Variants in CACNG7 observed in about 807,000 individuals in gnomAD.
The protein encoded by CACNG7 is voltage-dependent calcium channel gamma-7 subunit.
CACNG7 carries 9 observed loss-of-function variants against 26.3 expected under a neutral mutation model. The observed-to-expected ratio is 0.34, with a 90% CI of 0.21 to 0.60. CACNG7 has a LOEUF of 0.60. CACNG7 is among the 20% of genes least tolerant of loss of function. The probability of loss-of-function intolerance (pLI) is 0.81; values close to 1 mark genes in which losing one functional copy is unlikely to be tolerated. For synonymous variants in CACNG7, 170 were observed against 157.0 expected (o/e 1.08, Z -0.62); for missense variants, 297 against 380.4 (o/e 0.78, Z 1.82).
rs543064099 is a variant in CACNG7, at chr19:53,910,625, T to A, written c.-30+1108T>A. Among the ~76,000 whole-genome samples the A allele has an allele frequency of 4.6e-3, 702 of 152,114 alleles. 4 individuals carry two copies. The highest frequency in any genetic ancestry group is 9.4e-3 in the Admixed American group (143 of 15,270). ...TTGATAAAGGCTAAGGGTCCCAAGT[T>A]GAGACCCCCAAATCACGGGATTGCG... On this transcript the variant is annotated intron_variant, in intron 1 of 5. Coordinates refer to ENST00000391767, the MANE Select transcript of CACNG7 (RefSeq NM_031896.5).
At position 53,942,609 on chromosome 19, in the gene CACNG7, G is replaced by T; in HGVS notation, c.*316G>T. 1 of 1,242,686 alleles carries T rather than the reference G, an allele frequency of 8.0e-7. No individual in the cohort carries two copies. The highest frequency in any genetic ancestry group is 3.6e-5 in the East Asian group (1 of 27,966). 77.0% of individuals were successfully genotyped at this position (1,242,686 alleles called of 1,614,324 possible). A position where few individuals can be genotyped will look rare whatever the true frequency, so the allele number is the denominator to read the frequency against. On this transcript the variant is annotated 3_prime_UTR_variant, in exon 6 of 6. Coordinates refer to ENST00000391767, the MANE Select transcript of CACNG7 (RefSeq NM_031896.5). The surrounding 1 kb of genome is among the most constrained non-coding windows in gnomAD (Gnocchi z 5.9). The stretch of plus-strand genomic sequence containing the variant: ...TTAGCTCCTCCCTCGTTCTCCACCT[G>T]CTCTGAGCTGGGAGCAGCCAGAGGC...
In CACNG7 at chr19:53,941,560, A is replaced by G. The variant is rs762462283; in HGVS notation, c.515A>G (p.His172Arg). Residue 172 changes from histidine (H) to arginine (R), a missense_variant, in exon 5 of 6, where the codon CAT (histidine) becomes CGT (arginine). Physicochemically the swap from His to Arg is conservative, Grantham distance 29. Coordinates refer to ENST00000391767, the MANE Select transcript of CACNG7 (RefSeq NM_031896.5). Reference protein sequence around the residue: ...NRPSSSEQYFHYRYGWSFAFA... With the variant: ...NRPSSSEQYFRYRYGWSFAFA... ...CCCAGCAGCTCTGAGCAGTATTTTC[A>G]TTATCGCTACGGGTGGTCTTTTGCC... 6.2e-7 allele frequency: 1 copy of G among 1,609,156 alleles called. No individual in the cohort carries two copies.
intron 4 of CACNG7, among the ~76,000 whole-genome samples, chr19:53,927,838 C>CA (rs74177830): frequency 0.28 from 30,555 of 109,870 alleles, 3,691 homozygotes; most frequent in African/African-American, 0.32. Context: ...AACTCCATCT[C>CA]AAAAAAAAAA....
chr19:53,942,010 G>A lies in CACNG7; in HGVS notation c.571-26G>A. ...CGGGGATGCGCAGGGGGGCGCCCCTGGGACTCTGACCTTGCCTTGCCGCAG... is the reference window on the plus strand; with the variant it reads ...CGGGGATGCGCAGGGGGGCGCCCCTAGGACTCTGACCTTGCCTTGCCGCAG... On this transcript the variant is annotated intron_variant, in intron 5 of 5. Coordinates refer to ENST00000391767, the MANE Select transcript of CACNG7 (RefSeq NM_031896.5). This position sits in a 1 kb window ranked among gnomAD's most constrained non-coding sequence, Gnocchi z 5.9. 6.4e-7 allele frequency: 1 copy of A among 1,559,690 alleles called. No homozygotes were observed. Among genetic ancestry groups the A allele is most frequent in the Non-Finnish European group, 8.7e-7 (1 of 1,148,790 alleles).
intron 5 of CACNG7, among the ~76,000 whole-genome samples, 196 bp from the exon 6 acceptor site, chr19:53,941,840 C>A (rs2069139404): frequency 6.6e-6 from 1 of 151,866 alleles, no homozygotes; most frequent in South Asian, 2.1e-4. Context: ...ACTCCTGGGT[C>A]TTGAGGGAGG....
rs1369066152 is a variant in CACNG7, at chr19:53,941,517, G to A, written c.472G>A (p.Asp158Asn). 2 of 1,598,480 alleles carry A rather than the reference G, an allele frequency of 1.3e-6. No individual in the cohort carries two copies. The highest frequency in any genetic ancestry group is 1.8e-5 in the Admixed American group (1 of 55,690). Residue 158 changes from aspartate to asparagine, a missense_variant, in exon 5 of 6, where the codon GAC (aspartate) becomes AAC (asparagine). Physicochemically the swap from Asp to Asn is conservative, Grantham distance 23 (BLOSUM62 1). Transcript: ENST00000391767. ...GGTTCTTTACATCTCCAGCATCAAC[G>A]ACGAGGTCATGAACAGGCCCAGCAG... ...GLVLYISSIN[D>N]EVMNRPSSSE...
rs951170339 is a variant in CACNG7, at chr19:53,943,311, G to T, written c.*1018G>T. 1 of 152,036 alleles carries T rather than the reference G, an allele frequency of 6.6e-6. No homozygotes were observed. Among genetic ancestry groups the T allele is most frequent in the South Asian group, 2.1e-4 (1 of 4,804 alleles). The allele number at this position is 152,036 out of a possible 1,614,324, so 9.4% of individuals were successfully genotyped here. On this transcript the variant is annotated 3_prime_UTR_variant, in exon 6 of 6. Coordinates refer to ENST00000391767, the MANE Select transcript of CACNG7 (RefSeq NM_031896.5). ...TTTTCTGGCTCTCCTCCTCATTGAC[G>T]TCCCTCTTCCCCCCTCAGAACCCCA...
chr19:53,940,680 G>A lies in CACNG7; in HGVS notation c.425-790G>A, dbSNP rs2069131749. On this transcript the variant is annotated intron_variant, in intron 4 of 5. Coordinates refer to ENST00000391767, the MANE Select transcript of CACNG7 (RefSeq NM_031896.5). The surrounding 1 kb of genome is among the most constrained non-coding windows in gnomAD (Gnocchi z 4.1). ...CAGCTTATGTTACAGCTACATGGGTGGACCAGCTCTATTTTCCCTCCTTCC... is the reference window on the plus strand; with the variant it reads ...CAGCTTATGTTACAGCTACATGGGTAGACCAGCTCTATTTTCCCTCCTTCC... 6.6e-6 allele frequency among the ~76,000 whole-genome samples: 1 copy of A among 152,068 alleles called. No individual in the cohort carries two copies. Among genetic ancestry groups the A allele is most frequent in the African/African-American group, 2.4e-5 (1 of 41,398 alleles).
chr19:53,935,838 T>C (rs1043922084), intron 4 of CACNG7, among the ~76,000 whole-genome samples: 1 of 150,888 alleles, frequency 6.6e-6, no homozygotes, highest in Non-Finnish European at 1.5e-5. Context: ...ACAGGATTTC[T>C]CCATGTTGGC....
chr19:53,912,718 A>C lies in CACNG7; in HGVS notation c.-29-85A>C. On this transcript the variant is annotated intron_variant, in intron 1 of 5. Transcript: ENST00000391767. The surrounding 1 kb of genome is among the most constrained non-coding windows in gnomAD (Gnocchi z 4.6). ...GATTTGGGAGTCAGTGTCTCTGGCT[A>C]GGGCCCAGCATCCCGGGTTGCTGCA... 1 of 1,060,864 alleles carries C rather than the reference A, an allele frequency of 9.4e-7. No homozygotes were observed. Among genetic ancestry groups the C allele is most frequent in the Non-Finnish European group, 1.4e-6 (1 of 707,720 alleles). 65.7% of individuals were successfully genotyped at this position (1,060,864 alleles called of 1,614,324 possible).
intron 4 of CACNG7, among the ~76,000 whole-genome samples, chr19:53,926,746 C>T (rs1332138294): frequency 6.6e-6 from 1 of 151,456 alleles, no homozygotes; most frequent in Admixed American, 6.6e-5. Flanking sequence ...AACCCTATCT[C>T]CACTAAAAAT....
intron 4 of CACNG7, among the ~76,000 whole-genome samples, chr19:53,916,752 G>A (rs557936297): frequency 1.0e-3 from 155 of 149,698 alleles, no homozygotes; most frequent in Non-Finnish European, 1.7e-3. Flanking sequence ...TGCCCACCTC[G>A]GCCTCCCAAA....
At position 53,921,797 on chromosome 19, in the gene CACNG7, C is replaced by T. The variant is rs1271290559; in HGVS notation, c.424+6292C>T. 1.9e-5 allele frequency among the ~76,000 whole-genome samples: 2 copies of T among 104,808 alleles called. 1 individual carries two copies. The highest frequency in any genetic ancestry group is 1.0e-4 in the African/African-American group (2 of 19,778). The allele number at this position is 104,808 out of a possible 152,430, so 68.8% of individuals were successfully genotyped here. Reference sequence around the variant, plus strand: ...AGGTCTGGTCATTGGTGGAGTTGTCCCCAGGTCTGGTCATTGGTGGAGTTG... The same window carrying T: ...AGGTCTGGTCATTGGTGGAGTTGTCTCCAGGTCTGGTCATTGGTGGAGTTG... On this transcript the variant is annotated intron_variant, in intron 4 of 5. Transcript: ENST00000391767.
intron 4 of CACNG7, among the ~76,000 whole-genome samples, chr19:53,931,696 A>AAAG (rs1284503012): frequency 6.7e-6 from 1 of 149,858 alleles, no homozygotes; most frequent in Non-Finnish European, 1.5e-5. Context: ...AAAAAAAAAA[A>AAAG]AAAAAAAAAA....
chr19:53,916,731 C>T (rs145258196), intron 4 of CACNG7, among the ~76,000 whole-genome samples: 1,692 of 150,826 alleles, frequency 0.011, 33 homozygotes, highest in African/African-American at 0.036. Context: ...AACTCCCGAC[C>T]GCAGGTGATC....
intron 4 of CACNG7, among the ~76,000 whole-genome samples, chr19:53,937,416 T>A (rs2069111703): frequency 6.6e-6 from 1 of 152,138 alleles, no homozygotes. Context: ...TCTCTCAGCC[T>A]CCCCAAAAGA....
chr19:53,921,768 T>TCCCAGGTCTGGTATTGGTGGAGTTGTC (rs2068957072), intron 4 of CACNG7, among the ~76,000 whole-genome samples: 2 of 58,398 alleles, frequency 3.4e-5, no homozygotes, highest in Non-Finnish European at 3.0e-5. Flanking sequence ...GGTGGAGTTG[T>TCCCAGGTCTGGTATTGGTGGAGTTGTC]CCCAGGTCTG....
At position 53,912,831 on chromosome 19, in the gene CACNG7, G is replaced by A; in HGVS notation, c.-1G>A. ...CCGCAGGGCGCCCCCTGCCTCTGAGGATGAGTCACTGCAGCAGCCGCGCCC... is the reference window on the plus strand; with the variant it reads ...CCGCAGGGCGCCCCCTGCCTCTGAGAATGAGTCACTGCAGCAGCCGCGCCC... On this transcript the variant is annotated 5_prime_UTR_variant, in exon 2 of 6. Coordinates refer to ENST00000391767, the MANE Select transcript of CACNG7 (RefSeq NM_031896.5). The surrounding 1 kb of genome is among the most constrained non-coding windows in gnomAD (Gnocchi z 4.6). 1.2e-5 allele frequency: 20 copies of A among 1,611,814 alleles called. No individual in the cohort carries two copies. Among genetic ancestry groups the A allele is most frequent in the Non-Finnish European group, 1.7e-5 (20 of 1,179,932 alleles).
At chr19:53,916,230 GT>G (rs200658055) in intron 4 of CACNG7, among the ~76,000 whole-genome samples, 4 of 151,402 alleles carry the variant, frequency 2.6e-5, no homozygotes, top group East Asian at 3.9e-4. Flanking sequence ...TTTGTTTACA[GT>G]TTTTTTTTCC....
Sources: allele counts gnomAD v4.1 joint callset (sites outside exome capture counted in the v4.1 genomes callset), GRCh38; gene constraint gnomAD v4.1.1; non-coding constraint Gnocchi (gnomAD v3.1); transcripts MANE v1.5; gene names NCBI Gene and HGNC (gene_info 2026-07-23, HGNC 2026-07-21).